Variants in KRT23 observed in about 807,000 individuals in gnomAD.
The protein encoded by KRT23 is keratin, type I cytoskeletal 23.
A neutral mutation model predicts 47.6 loss-of-function variants in KRT23; 38 were observed. The ratio of observed to expected loss-of-function variants is 0.80; its 90% CI spans 0.62 to 1.05. The LOEUF (loss-of-function observed/expected upper bound fraction) is 1.05. Among genes scored for constraint, KRT23 ranks in the 50% least tolerant of loss-of-function variants. KRT23 has a pLI of 0.00. For synonymous variants in KRT23, 191 were observed against 199.0 expected (o/e 0.96, Z 0.34); for missense variants, 503 against 529.5 (o/e 0.95, Z 0.49).
At chr17:40,925,701 A>G in intron 6 of KRT23, 127 bp from the exon 7 acceptor site, 1 of 697,036 alleles carries the variant, frequency 1.4e-6, no homozygotes, top group South Asian at 1.7e-5. Flanking sequence ...GAGGACACCA[A>G]GATGAGAAGT....
rs144851372 is a variant in KRT23, at chr17:40,930,772, CAAATAAATAAAT to C, written c.479+589_479+600del. 8.5e-4 allele frequency among the ~76,000 whole-genome samples: 127 copies of C among 149,024 alleles called. No homozygotes were observed. In the Middle Eastern group the frequency reaches 0.01, roughly 12 times the overall value. On this transcript the variant is annotated intron_variant, in intron 3 of 8. Transcript: ENST00000209718. ...AGCAAGACTCCGTCTCAAAAATAAA[CAAATAAATAAAT>C]AAATAAATAAATAAATAAAATAAAC... is the stretch of plus-strand genomic sequence containing the variant.
chr17:40,924,829 C>G (rs1909126842), intron 7 of KRT23, among the ~76,000 whole-genome samples: 1 of 152,128 alleles, frequency 6.6e-6, no homozygotes, highest in African/African-American at 2.4e-5. Flanking sequence ...TCAGGCTGTT[C>G]AAAGTTTGGT....
chr17:40,922,995 G>C lies in KRT23; in HGVS notation c.1263C>G (p.His421Gln), dbSNP rs775010306. Reference sequence around the variant, plus strand: ...GCGGAAACTTTCATTGGTCTCATGCGTGCTTTTGGATTTCATTCACTTGAC... The same window carrying C: ...GCGGAAACTTTCATTGGTCTCATGCCTGCTTTTGGATTTCATTCACTTGAC... ...VLCQVNEIQKHA is the reference protein window; with the variant it reads ...VLCQVNEIQKQA Residue 421 changes from histidine (H) to glutamine (Q), a missense_variant, in exon 9 of 9, where the codon CAC becomes CAG. Coordinates refer to ENST00000209718, the MANE Select transcript of KRT23 (RefSeq NM_015515.5). The C allele has an allele frequency of 6.2e-7, 1 of 1,611,934 alleles. No homozygotes were observed. Among genetic ancestry groups the C allele is most frequent in the Non-Finnish European group, 8.5e-7 (1 of 1,178,042 alleles).
In KRT23 at chr17:40,928,110, A is replaced by G. The variant is rs1909344528; in HGVS notation, c.921+128T>C. Reference sequence around the variant, plus strand: ...TTTATTATGGTTCTCATCATAAACAATTTGGATGGAAAGTGGAAAGTGAGA... The same window carrying G: ...TTTATTATGGTTCTCATCATAAACAGTTTGGATGGAAAGTGGAAAGTGAGA... On this transcript the variant is annotated intron_variant, in intron 6 of 8. Transcript: ENST00000209718. 6 of 1,189,404 alleles carry G rather than the reference A, an allele frequency of 5.0e-6. No individual in the cohort carries two copies. In the Admixed American group the frequency reaches 9.4e-5, roughly 19 times the overall value. 73.7% of individuals were successfully genotyped at this position (1,189,404 alleles called of 1,614,324 possible).
At position 40,922,774 on chromosome 17, in the gene KRT23, A is replaced by G. The variant is rs910435737; in HGVS notation, c.*215T>C. 5 of 433,026 alleles carry G rather than the reference A, an allele frequency of 1.2e-5. No homozygotes were observed. The highest frequency in any genetic ancestry group is 2.0e-5 in the Non-Finnish European group (5 of 244,486). 26.8% of individuals were successfully genotyped at this position (433,026 alleles called of 1,614,324 possible). A position where few individuals can be genotyped will look rare whatever the true frequency, so the allele number is the denominator to read the frequency against. On this transcript the variant is annotated 3_prime_UTR_variant, in exon 9 of 9. Coordinates refer to ENST00000209718, the MANE Select transcript of KRT23 (RefSeq NM_015515.5). ...TCTGAAGGCTGCAGTAGGAAAGTAG[A>G]GCTTTACCCTCATAAACTCGCACTT...
chr17:40,931,740 G>T (rs996460588), intron 2 of KRT23, among the ~76,000 whole-genome samples: 1 of 152,274 alleles, frequency 6.6e-6, no homozygotes, highest in South Asian at 2.1e-4. Context: ...TGCAACTGCT[G>T]AAAGAATGAT....
chr17:40,926,258 A>C (rs1909217365), intron 6 of KRT23, among the ~76,000 whole-genome samples: 1 of 152,198 alleles, frequency 6.6e-6, no homozygotes, highest in Non-Finnish European at 1.5e-5. Context: ...TCTGAAGCGC[A>C]TAATTTTAAC....
At chr17:40,937,097 C>CACACCTTTTTCCACCCCA (rs1910144557) in intron 1 of KRT23, 144 bp from the exon 2 acceptor site, 1 of 153,046 alleles carries the variant, frequency 6.5e-6, no homozygotes, top group Non-Finnish European at 1.5e-5. Flanking sequence ...CAGAGATACA[C>CACACCTTTTTCCACCCCA]ACACCTTTTT....
At position 40,928,550 on chromosome 17, in the gene KRT23, C is replaced by T; in HGVS notation, c.694G>A (p.Gly232Ser). The T allele has an allele frequency of 6.2e-7, 1 of 1,613,910 alleles. No homozygotes were observed. The highest frequency in any genetic ancestry group is 8.5e-7 in the Non-Finnish European group (1 of 1,179,898). Residue 232 changes from glycine (G) to serine (S), a missense_variant, in exon 5 of 9, where the codon GGT becomes AGT. Gly to Ser is a moderately conservative substitution (Grantham distance 56). Coordinates refer to ENST00000209718, the MANE Select transcript of KRT23 (RefSeq NM_015515.5). ...DFNVNVKVDT[G>S]PREDLIKVLE... Reference sequence around the variant, plus strand: ...ACCTTAATCAGATCTTCCCTGGGACCTGTATCCACCTTCACATTGACATTG... The same window carrying T: ...ACCTTAATCAGATCTTCCCTGGGACTTGTATCCACCTTCACATTGACATTG...
chr17:40,923,599 T>C (rs1909056185), intron 8 of KRT23, among the ~76,000 whole-genome samples: 2 of 152,248 alleles, frequency 1.3e-5, no homozygotes, highest in Admixed American at 6.5e-5. Context: ...AGGGAAGAAT[T>C]GAAATCATTA....
intron 2 of KRT23, among the ~76,000 whole-genome samples, chr17:40,934,105 AG>A (rs1188351279): frequency 6.6e-6 from 1 of 152,210 alleles, no homozygotes; most frequent in Admixed American, 6.5e-5. Context: ...CAACCTTTTG[AG>A]TGATATTTAA....
chr17:40,924,995 CTT>C (rs34300335), intron 7 of KRT23, among the ~76,000 whole-genome samples: 69,307 of 148,656 alleles, frequency 0.47, 16,509 homozygotes, highest in East Asian at 0.71. Context: ...TCATATGCAT[CTT>C]TTTTTTTTTT....
chr17:40,925,290 A>C (rs1305317442), intron 7 of KRT23, 64 bp downstream of exon 7: 1 of 1,383,342 alleles, frequency 7.2e-7, no homozygotes, highest in Non-Finnish European at 1.0e-6. Context: ...CCAAAGATGC[A>C]CACATATACC....
Position 40,928,230 on chromosome 17 carries a change from T to C in KRT23, c.921+8A>G, listed in dbSNP as rs1426753704. On this transcript the variant is annotated splice_region_variant and intron_variant, in intron 6 of 8. Coordinates refer to ENST00000209718, the MANE Select transcript of KRT23 (RefSeq NM_015515.5). ...GTGGGATTCACGGTTTTCCTAGCCT[T>C]GACTCACCGTGCTGTACTGTGTCTG... 5 of 1,614,030 alleles carry C rather than the reference T, an allele frequency of 3.1e-6. No individual in the cohort carries two copies. In the South Asian group the frequency reaches 4.4e-5, roughly 14 times the overall value.
rs144458191 is a variant in KRT23, at chr17:40,928,261, C to A, written c.898G>T (p.Asp300Tyr). The change falls in exon 6 of 9, where the codon GAC becomes TAC. Residue 300 changes from aspartate (D) to tyrosine (Y), a missense_variant. By Grantham distance (160) the Asp-to-Tyr change is radical. Coordinates refer to ENST00000209718, the MANE Select transcript of KRT23 (RefSeq NM_015515.5). ...ACCGTGCTGTACTGTGTCTGCAGGT[C>A]AATCTCCAGGGCCTGGAATGTGCGC... Reference protein sequence around the residue: ...LKRTFQALEIDLQTQYSTKSA... With the variant: ...LKRTFQALEIYLQTQYSTKSA... 13 of 1,613,998 alleles carry A rather than the reference C, an allele frequency of 8.1e-6. No individual in the cohort carries two copies. The highest frequency in any genetic ancestry group is 1.1e-5 in the Non-Finnish European group (13 of 1,180,018).
intron 6 of KRT23, 146 bp downstream of exon 6, chr17:40,928,092 T>C (rs1909342855): frequency 2.0e-6 from 2 of 988,178 alleles, no homozygotes; most frequent in Non-Finnish European, 3.1e-6. Flanking sequence ...CCCTTTATTA[T>C]GGTTCTCATC....
rs1597874209 is a variant in KRT23, at chr17:40,925,179, A to C, written c.1142+175T>G. ...AGTGTCCTGTGAGTATTAGTTGATT[A>C]ATTATACTTGCTGCTTAGTGAAATA... On this transcript the variant is annotated intron_variant, in intron 7 of 8. Coordinates refer to ENST00000209718, the MANE Select transcript of KRT23 (RefSeq NM_015515.5). The C allele has an allele frequency of 6.6e-6, 4 of 608,052 alleles. No homozygotes were observed. In the East Asian group the frequency reaches 1.1e-4, roughly 17 times the overall value. The allele number at this position is 608,052 out of a possible 1,614,324, so 37.7% of individuals were successfully genotyped here.
rs1206662489 is a variant in KRT23 at position 40,931,468 on chromosome 17, C to T, written c.397-13G>A. 1 of 1,587,242 alleles carries T rather than the reference C, an allele frequency of 6.3e-7. No homozygotes were observed. Among genetic ancestry groups the T allele is most frequent in the South Asian group, 1.1e-5 (1 of 90,492 alleles). On this transcript the variant is annotated splice_polypyrimidine_tract_variant and intron_variant, in intron 2 of 8. Coordinates refer to ENST00000209718, the MANE Select transcript of KRT23 (RefSeq NM_015515.5). ...TACCATCCACTATCTGTAAAACATGCACAAAAGCACAAAAGGTTATCTCAC... is the reference window on the plus strand; with the variant it reads ...TACCATCCACTATCTGTAAAACATGTACAAAAGCACAAAAGGTTATCTCAC...
At chr17:40,932,858 G>A (rs1345066350) in intron 2 of KRT23, among the ~76,000 whole-genome samples, 1 of 152,210 alleles carries the variant, frequency 6.6e-6, no homozygotes, top group African/African-American at 2.4e-5. Flanking sequence ...GCTGGGTCTG[G>A]AACTCAAAGA....
Sources: allele counts gnomAD v4.1 joint callset (sites outside exome capture counted in the v4.1 genomes callset), GRCh38; gene constraint gnomAD v4.1.1; transcripts MANE v1.5; gene names NCBI Gene and HGNC (gene_info 2026-07-23, HGNC 2026-07-21).